The following XKR6 variants were observed in gnomAD, a reference collection of about 807,000 sequenced individuals.
XKR6 encodes XK-related protein 6.
XKR6 carries 22 observed loss-of-function variants against 56.7 expected under a neutral mutation model. The observed-to-expected ratio is 0.39, with a 90% CI of 0.28 to 0.55. The LOEUF (loss-of-function observed/expected upper bound fraction) is 0.55, where lower values mean the gene tolerates loss of function less well. XKR6 is among the 20% of genes least tolerant of loss of function. The pLI is 0.66. For synonymous variants in XKR6, 524 were observed against 387.8 expected (o/e 1.35, Z -4.13); for missense variants, 852 against 889.0 (o/e 0.96, Z 0.53).
intron 1 of XKR6, among the ~76,000 whole-genome samples, chr8:11,031,970 C>T (rs1799003644): frequency 6.6e-6 from 1 of 152,218 alleles, no homozygotes; most frequent in African/African-American, 2.4e-5. Context: ...CAGGCAGCCT[C>T]TGCCTAGCCA....
intron 2 of XKR6, among the ~76,000 whole-genome samples, chr8:10,901,996 C>G (rs927924460): frequency 6.6e-6 from 1 of 152,202 alleles, no homozygotes; most frequent in Non-Finnish European, 1.5e-5. Context: ...TTCAGAGTTA[C>G]CTACCCCATT....
intron 1 of XKR6, among the ~76,000 whole-genome samples, chr8:11,088,922 G>A (rs1797979653): frequency 6.6e-6 from 1 of 152,232 alleles, no homozygotes; most frequent in Admixed American, 6.5e-5. Flanking sequence ...GCAAATCAGG[G>A]TAGGCTGTAT....
chr8:11,142,634 GCC>G (rs1800765091), intron 1 of XKR6, among the ~76,000 whole-genome samples: 1 of 152,134 alleles, frequency 6.6e-6, no homozygotes, highest in Non-Finnish European at 1.5e-5. Flanking sequence ...CATGTGAGAT[GCC>G]TTCTCCCCCT....
intron 1 of XKR6, among the ~76,000 whole-genome samples, chr8:11,142,018 C>T (rs1433459580): frequency 7.1e-6 from 1 of 141,022 alleles, no homozygotes; most frequent in African/African-American, 2.7e-5. Context: ...TTATATACTA[C>T]ATTCCAAAAA....
chr8:11,161,861 G>A (rs1018385867), intron 1 of XKR6, among the ~76,000 whole-genome samples: 24 of 152,166 alleles, frequency 1.6e-4, no homozygotes, highest in African/African-American at 4.8e-4. Context: ...TGAAAAAGAC[G>A]GAAATGAAAG....
At chr8:11,131,015 T>C (rs1800077855) in intron 1 of XKR6, among the ~76,000 whole-genome samples, 1 of 152,176 alleles carries the variant, frequency 6.6e-6, no homozygotes. Flanking sequence ...CATAAATCGC[T>C]AGTTATGTAA....
chr8:11,159,759 T>C (rs4446699), intron 1 of XKR6, among the ~76,000 whole-genome samples: 3 of 152,234 alleles, frequency 2.0e-5, no homozygotes, highest in Non-Finnish European at 4.4e-5. Context: ...AGTTTAGAAA[T>C]GGGGTATACA....
chr8:11,062,724 T>C (rs1799866882), intron 1 of XKR6: 1 of 455,984 alleles, frequency 2.2e-6, no homozygotes, highest in South Asian at 1.6e-5. Flanking sequence ...CAAACTCTTT[T>C]TTTAAATACT....
intron 1 of XKR6, among the ~76,000 whole-genome samples, chr8:10,944,784 C>T (rs918257630): frequency 2.6e-5 from 4 of 152,102 alleles, no homozygotes; most frequent in African/African-American, 9.7e-5. Flanking sequence ...AGGTGGGGGC[C>T]CAGCTGCCAA....
intron 1 of XKR6, among the ~76,000 whole-genome samples, chr8:11,164,345 C>A (rs1285768407): frequency 2.0e-5 from 3 of 152,232 alleles, no homozygotes; most frequent in Admixed American, 6.5e-5. Flanking sequence ...TTCTCCACCC[C>A]TGGGGTCCAG....
chr8:11,085,193 C>A (rs1797845830), intron 1 of XKR6, among the ~76,000 whole-genome samples: 1 of 152,222 alleles, frequency 6.6e-6, no homozygotes, highest in African/African-American at 2.4e-5. Flanking sequence ...GTGGGCATCA[C>A]ACAGACTTCC....
intron 1 of XKR6, among the ~76,000 whole-genome samples, chr8:11,193,503 CCA>C (rs3989110): frequency 1.9e-4 from 29 of 152,098 alleles, no homozygotes; most frequent in African/African-American, 6.8e-4. Flanking sequence ...GTAACAATAG[CCA>C]CTGAATTCTC....
intron 2 of XKR6, among the ~76,000 whole-genome samples, chr8:10,902,764 G>A (rs1278745352): frequency 6.6e-6 from 1 of 152,228 alleles, no homozygotes; most frequent in African/African-American, 2.4e-5. Context: ...GAGCAATGGG[G>A]AGTGGGTGTA....
chr8:10,946,023 C>T lies in XKR6; in HGVS notation c.765-21193G>A, dbSNP rs528802774. On this transcript the variant is annotated intron_variant, in intron 1 of 2. Transcript: ENST00000416569. ...AGCAAGACAAGCCCCTTGCTGGTGG[C>T]GCCCTGTGCTTTTCAGCGTGGAGTT... Among the ~76,000 whole-genome samples, 8 of 152,204 alleles carry T rather than the reference C, an allele frequency of 5.3e-5. No homozygotes were observed. The South Asian group carries it at 1.0e-3, about 20-fold the overall frequency.
chr8:11,183,555 T>A (rs1803110094), intron 1 of XKR6, among the ~76,000 whole-genome samples: 1 of 151,956 alleles, frequency 6.6e-6, no homozygotes, highest in South Asian at 2.1e-4. Context: ...ACTCCTGGCC[T>A]CAAGTGATCC....
At chr8:10,977,269 G>C (rs1049171837) in intron 1 of XKR6, among the ~76,000 whole-genome samples, 2 of 152,102 alleles carry the variant, frequency 1.3e-5, no homozygotes, top group African/African-American at 4.8e-5. Flanking sequence ...ATTTTCAATA[G>C]CAAAGAAAGC....
At chr8:11,167,401 C>G (rs892887116) in intron 1 of XKR6, among the ~76,000 whole-genome samples, 1 of 152,168 alleles carries the variant, frequency 6.6e-6, no homozygotes, top group Non-Finnish European at 1.5e-5. Context: ...TTTAGTGACT[C>G]CATTCCAACC....
At chr8:11,024,637 G>A (rs184398660) in intron 1 of XKR6, among the ~76,000 whole-genome samples, 1 of 152,170 alleles carries the variant, frequency 6.6e-6, no homozygotes, top group Non-Finnish European at 1.5e-5. Context: ...CCATGAGGCC[G>A]AATCACCCTG....
At position 10,991,732 on chromosome 8, in the gene XKR6, T is replaced by G. The variant is rs182284302; in HGVS notation, c.765-66902A>C. On this transcript the variant is annotated intron_variant, in intron 1 of 2. Transcript: ENST00000416569. ...TTTCTAAATTTATTTAAAGGTAGAG[T>G]TGCAGAATTCCTTCAATGTTTTTCT... Among the ~76,000 whole-genome samples, 535 of 152,204 alleles carry G rather than the reference T, an allele frequency of 3.5e-3. 2 individuals carry two copies. The highest frequency in any genetic ancestry group is 0.012 in the African/African-American group (515 of 41,518).
Sources: gnomAD v4.1 joint callset for allele counts (sites outside exome capture counted in the v4.1 genomes callset) on GRCh38, gnomAD v4.1.1 for gene constraint, MANE v1.5 for transcripts, NCBI Gene and HGNC (gene_info 2026-07-23, HGNC 2026-07-21) for gene names.